INSYN2B: variants seen among roughly 807,000 people sequenced by gnomAD.
The protein encoded by INSYN2B is inhibitory synaptic factor family member 2B, also known as protein INSYN2B.
A neutral mutation model predicts 41.2 loss-of-function variants in INSYN2B; 16 were observed. The observed-to-expected ratio is 0.39, with a 90% CI of 0.26 to 0.59. The LOEUF (loss-of-function observed/expected upper bound fraction) is 0.59. Among genes scored for constraint, INSYN2B ranks in the 20% least tolerant of loss-of-function variants. The probability of loss-of-function intolerance (pLI) is 0.57; values close to 1 mark genes in which losing one functional copy is unlikely to be tolerated. For synonymous variants in INSYN2B, 245 were observed against 244.4 expected, an observed-to-expected ratio of 1.00 and a Z score of -0.02; for missense variants, 608 against 646.4, an observed-to-expected ratio of 0.94 and a Z score of 0.64.
At chr5:169,890,101 AAGTCAC>A (rs1773197528) in intron 1 of INSYN2B, among the ~76,000 whole-genome samples, 1 of 152,222 alleles carries the variant, frequency 6.6e-6, no homozygotes, top group Non-Finnish European at 1.5e-5. Flanking sequence ...GACTTGTCCT[AAGTCAC>A]AGAGGTAGAC....
intron 3 of INSYN2B, among the ~76,000 whole-genome samples, chr5:169,881,135 C>G (rs898818448): frequency 6.6e-6 from 1 of 152,166 alleles, no homozygotes; most frequent in African/African-American, 2.4e-5. Flanking sequence ...TACCATGATG[C>G]CTGCACTTAG....
In INSYN2B at chr5:169,884,143, C is replaced by A. The variant is rs762450501; in HGVS notation, c.-245G>T. 3 of 357,338 alleles carry A rather than the reference C, an allele frequency of 8.4e-6. No individual in the cohort carries two copies. Among genetic ancestry groups the A allele is most frequent in the African/African-American group, 2.1e-5 (1 of 47,908 alleles). 22.1% of individuals were successfully genotyped at this position (357,338 alleles called of 1,614,324 possible). A position where few individuals can be genotyped will look rare whatever the true frequency, so the allele number is the denominator to read the frequency against. Reference sequence around the variant, plus strand: ...TAATTCATTGTAGTCATAATTGCTCCTTGGAAAAACAAATGAGTTAGGCTA... The same window carrying A: ...TAATTCATTGTAGTCATAATTGCTCATTGGAAAAACAAATGAGTTAGGCTA... On this transcript the variant is annotated 5_prime_UTR_variant, in exon 2 of 4. The change creates a new upstream start codon in the 5' untranslated region. Coordinates refer to ENST00000377365, the MANE Select transcript of INSYN2B (RefSeq NM_001129891.3).
At position 169,892,034 on chromosome 5, in the gene INSYN2B, AAAC is replaced by A. The variant is rs1017152606; in HGVS notation, c.-918-7221_-918-7219del. ...AAAAGAAAAAGAAAAAAGAAAAGAA[AAAC>A]AACAACAACCACTACAACAAACTTT... On this transcript the variant is annotated intron_variant, in intron 1 of 3. Transcript: ENST00000377365. Among the ~76,000 whole-genome samples, 28 of 152,018 alleles carry A rather than the reference AAAC, an allele frequency of 1.8e-4. 1 individual carries two copies. The highest frequency in any genetic ancestry group is 4.8e-5 in the African/African-American group (2 of 41,406).
At chr5:169,927,710 G>A (rs1023984211) in intron 1 of INSYN2B, among the ~76,000 whole-genome samples, 1 of 152,162 alleles carries the variant, frequency 6.6e-6, no homozygotes, top group African/African-American at 2.4e-5. Flanking sequence ...TCCGCTTCCC[G>A]AGTTCATGCC....
At chr5:169,949,506 C>A (rs890509447) in intron 1 of INSYN2B, among the ~76,000 whole-genome samples, 1 of 151,806 alleles carries the variant, frequency 6.6e-6, no homozygotes, top group African/African-American at 2.4e-5. Flanking sequence ...GTAAAAGTAG[C>A]TGGAGCCTGG....
intron 3 of INSYN2B, among the ~76,000 whole-genome samples, chr5:169,876,353 G>A (rs568257479): frequency 6.6e-6 from 1 of 152,316 alleles, no homozygotes; most frequent in Middle Eastern, 3.4e-3. Flanking sequence ...TTGATATTTA[G>A]CATTAGACAT....
intron 1 of INSYN2B, among the ~76,000 whole-genome samples, chr5:169,975,512 C>A (rs1315402253): frequency 1.3e-5 from 2 of 152,186 alleles, no homozygotes; most frequent in Non-Finnish European, 2.9e-5. Context: ...TTCCACCACA[C>A]TGAACTTCTT....
chr5:169,971,955 T>G (rs1777522704), intron 1 of INSYN2B, among the ~76,000 whole-genome samples: 1 of 152,216 alleles, frequency 6.6e-6, no homozygotes, highest in Admixed American at 6.5e-5. Flanking sequence ...GTATATATAC[T>G]ACCACTCCCT....
At chr5:169,894,440 G>A (rs1773475269) in intron 1 of INSYN2B, among the ~76,000 whole-genome samples, 2 of 152,182 alleles carry the variant, frequency 1.3e-5, no homozygotes, top group African/African-American at 4.8e-5. Context: ...CAACTGTTGG[G>A]CCCTGGACTC....
intron 1 of INSYN2B, among the ~76,000 whole-genome samples, chr5:169,947,833 C>T (rs1776506684): frequency 6.6e-6 from 1 of 151,492 alleles, no homozygotes; most frequent in South Asian, 2.2e-4. Flanking sequence ...TAAATACATA[C>T]AGCATAAATA....
At chr5:169,912,232 T>G in intron 1 of INSYN2B, among the ~76,000 whole-genome samples, 1 of 152,160 alleles carries the variant, frequency 6.6e-6, no homozygotes, top group East Asian at 1.9e-4. Flanking sequence ...ATTATTTTAT[T>G]TATTTATTTA....
At chr5:169,912,797 A>T (rs984491848) in intron 1 of INSYN2B, among the ~76,000 whole-genome samples, 4 of 152,154 alleles carry the variant, frequency 2.6e-5, no homozygotes, top group Admixed American at 2.0e-4. Context: ...CAGGAGCAGC[A>T]GTATAACCAG....
intron 1 of INSYN2B, among the ~76,000 whole-genome samples, chr5:169,899,454 C>A (rs980053851): frequency 1.4e-4 from 21 of 152,316 alleles, no homozygotes; most frequent in African/African-American, 4.8e-4. Context: ...TCAGCACCAG[C>A]ATCAATGATT....
intron 1 of INSYN2B, among the ~76,000 whole-genome samples, chr5:169,888,085 A>G (rs1208696597): frequency 6.6e-6 from 1 of 152,266 alleles, no homozygotes; most frequent in Non-Finnish European, 1.5e-5. Context: ...ACGAATGTGG[A>G]AACTCTCGTA....
intron 1 of INSYN2B, among the ~76,000 whole-genome samples, chr5:169,903,311 T>TAAAAA (rs142632030): frequency 9.0e-6 from 1 of 111,084 alleles, no homozygotes; most frequent in Non-Finnish European, 1.8e-5. Context: ...ACAACAACAA[T>TAAAAA]AAAAAAAAAA....
At chr5:169,971,432 T>C (rs1777505198) in intron 1 of INSYN2B, among the ~76,000 whole-genome samples, 1 of 94,620 alleles carries the variant, frequency 1.1e-5, no homozygotes, top group African/African-American at 3.0e-5. Flanking sequence ...TAGAGCCTTT[T>C]TTTTTTTTTT....
intron 3 of INSYN2B, among the ~76,000 whole-genome samples, chr5:169,873,412 G>A (rs1169440463): frequency 1.3e-5 from 2 of 152,188 alleles, no homozygotes; most frequent in African/African-American, 2.4e-5. Flanking sequence ...TTGCTATGAC[G>A]TTCACGGCCC....
At chr5:169,936,828 T>C (rs1776022662) in intron 1 of INSYN2B, among the ~76,000 whole-genome samples, 1 of 152,144 alleles carries the variant, frequency 6.6e-6, no homozygotes, top group Non-Finnish European at 1.5e-5. Context: ...TTGACAAAAC[T>C]CAATTTAAAT....
intron 1 of INSYN2B, among the ~76,000 whole-genome samples, chr5:169,935,317 C>T (rs552000911): frequency 5.9e-5 from 9 of 152,288 alleles, no homozygotes; most frequent in Admixed American, 1.3e-4. Flanking sequence ...GTCTCATCTC[C>T]CATGCCTGTG....
Sources: allele counts gnomAD v4.1 joint callset (sites outside exome capture counted in the v4.1 genomes callset), GRCh38; gene constraint gnomAD v4.1.1; transcripts MANE v1.5; gene names NCBI Gene and HGNC (gene_info 2026-07-23, HGNC 2026-07-21).